Variants in EEA1 observed in about 807,000 individuals in gnomAD.
EEA1 encodes the protein early endosome antigen 1.
In EEA1, 111 loss-of-function variants were observed where a neutral mutation model predicts 209.2. The observed-to-expected ratio is 0.53, with a 90% CI of 0.45 to 0.62. EEA1 has a LOEUF of 0.62. EEA1 is among the 20% of genes least tolerant of loss of function. EEA1 has a pLI of 0.00. For synonymous variants in EEA1, 536 were observed against 540.6 expected (o/e 0.99, Z 0.12); for missense variants, 1,343 against 1,530.8 (o/e 0.88, Z 2.05).
At chr12:92,859,412 G>A in intron 3 of EEA1, 1 of 610,032 alleles carries the variant, frequency 1.6e-6, no homozygotes. Flanking sequence ...TCTAGTCAAT[G>A]ACATGAATTT....
At chr12:92,819,239 T>G in intron 14 of EEA1, 69 bp downstream of exon 14, 1 of 1,310,658 alleles carries the variant, frequency 7.6e-7, no homozygotes, top group East Asian at 2.5e-5. Context: ...ATCATTTAAA[T>G]AAAGCACTTA....
intron 9 of EEA1, among the ~76,000 whole-genome samples, chr12:92,849,656 ATG>A (rs1336964855): frequency 6.6e-6 from 1 of 152,186 alleles, no homozygotes; most frequent in African/African-American, 2.4e-5. Context: ...TTACATGCCT[ATG>A]TGTGTTATAT....
chr12:92,860,855 G>T (rs1184830441), intron 3 of EEA1, among the ~76,000 whole-genome samples: 1 of 148,684 alleles, frequency 6.7e-6, no homozygotes, highest in East Asian at 2.0e-4. Flanking sequence ...GTTTAATGAA[G>T]ATCTAAATAA....
intron 2 of EEA1, among the ~76,000 whole-genome samples, chr12:92,874,118 G>A (rs539350359): frequency 6.6e-6 from 1 of 151,912 alleles, no homozygotes; most frequent in East Asian, 1.9e-4. Context: ...TTTGAGACCT[G>A]CCTTGGCAAC....
Position 92,828,065 on chromosome 12 carries a change from T to C in EEA1, c.1255-4A>G. 6 of 1,541,148 alleles carry C rather than the reference T, an allele frequency of 3.9e-6. No individual in the cohort carries two copies. Among genetic ancestry groups the C allele is most frequent in the African/African-American group, 1.4e-5 (1 of 70,748 alleles). On this transcript the variant is annotated splice_region_variant and splice_polypyrimidine_tract_variant and intron_variant, in intron 11 of 28. Transcript: ENST00000322349. ...TCTCCAGAAGTTTGCTATGTAACTTTAAAAAAAGAAAAAAAAATGTATGTA... is the reference window on the plus strand; with the variant it reads ...TCTCCAGAAGTTTGCTATGTAACTTCAAAAAAAGAAAAAAAAATGTATGTA...
At chr12:92,912,025 T>G (rs1312776485) in intron 1 of EEA1, among the ~76,000 whole-genome samples, 1 of 152,194 alleles carries the variant, frequency 6.6e-6, no homozygotes, top group Non-Finnish European at 1.5e-5. Context: ...GAAAAGTTCT[T>G]TACAGAAAAA....
chr12:92,779,031 A>T, intron 25 of EEA1, 84 bp downstream of exon 25: 20 of 1,188,678 alleles, frequency 1.7e-5, no homozygotes, highest in Non-Finnish European at 2.3e-5. Context: ...CATTTCAATC[A>T]GATCTTATAA....
At chr12:92,849,735 T>A (rs1395156541) in intron 9 of EEA1, among the ~76,000 whole-genome samples, 1 of 152,162 alleles carries the variant, frequency 6.6e-6, no homozygotes, top group Non-Finnish European at 1.5e-5. Flanking sequence ...TAGACATGGG[T>A]TATCTATAAT....
In EEA1 at chr12:92,858,948, T is replaced by C. The variant is rs1878008736; in HGVS notation, c.246-1463A>G. On this transcript the variant is annotated intron_variant, in intron 3 of 28. Transcript: ENST00000322349. ...GGAGGTGCCTTTGAGGAAAGGATTA[T>C]ACTAAGATCAACCGTTCAGCTGCCT... The C allele has an allele frequency of 5.7e-6, 4 of 699,166 alleles. No individual in the cohort carries two copies. The South Asian group carries it at 6.3e-5, about 11-fold the overall frequency. The allele number at this position is 699,166 out of a possible 1,614,324, so 43.3% of individuals were successfully genotyped here.
chr12:92,894,590 G>C (rs778649827), intron 1 of EEA1, among the ~76,000 whole-genome samples: 1 of 152,188 alleles, frequency 6.6e-6, no homozygotes, highest in Non-Finnish European at 1.5e-5. Context: ...AGCCATTAAC[G>C]TTCCCTTAAA....
chr12:92,799,145 G>A, intron 20 of EEA1, 59 bp from the exon 21 acceptor site: 4 of 1,364,316 alleles, frequency 2.9e-6, no homozygotes, highest in South Asian at 1.7e-5. Context: ...ACGATGTACT[G>A]AGTAACTAGA....
At chr12:92,840,971 T>C (rs1192320982) in intron 10 of EEA1, among the ~76,000 whole-genome samples, 1 of 152,174 alleles carries the variant, frequency 6.6e-6, no homozygotes, top group Non-Finnish European at 1.5e-5. Flanking sequence ...TGAGGTCTCT[T>C]GTTCTTTTCA....
rs1314595767 is a variant in EEA1, at chr12:92,771,554, A to T, written c.*4457T>A. On this transcript the variant is annotated 3_prime_UTR_variant, in exon 29 of 29. Coordinates refer to ENST00000322349, the MANE Select transcript of EEA1 (RefSeq NM_003566.4). ...TAAGAATAAATGAGGTGGAGGGGAG[A>T]AAAAGGGGAGAATAGACTTCAAGCT... The T allele has an allele frequency of 6.6e-6, 1 of 152,094 alleles. No individual in the cohort carries two copies. The highest frequency in any genetic ancestry group is 1.9e-4 in the East Asian group (1 of 5,174). 9.4% of individuals were successfully genotyped at this position (152,094 alleles called of 1,614,324 possible).
intron 2 of EEA1, among the ~76,000 whole-genome samples, chr12:92,876,158 G>A (rs747586842): frequency 7.2e-5 from 11 of 152,100 alleles, no homozygotes; most frequent in East Asian, 3.9e-4. Flanking sequence ...TTGCGGCCTC[G>A]AACTGCTGGG....
chr12:92,887,364 GA>G (rs2136750520), intron 2 of EEA1, among the ~76,000 whole-genome samples: 1 of 152,070 alleles, frequency 6.6e-6, no homozygotes, highest in Admixed American at 6.5e-5. Flanking sequence ...ATAAAACAGG[GA>G]GGGGTGCAGT....
intron 2 of EEA1, among the ~76,000 whole-genome samples, chr12:92,873,259 A>G (rs1000603622): frequency 1.3e-5 from 2 of 152,244 alleles, no homozygotes; most frequent in Admixed American, 6.5e-5. Flanking sequence ...TGCTCAACGA[A>G]TATGAATTGT....
intron 21 of EEA1, among the ~76,000 whole-genome samples, chr12:92,792,398 A>T (rs1874445762): frequency 1.3e-5 from 2 of 152,194 alleles, no homozygotes; most frequent in South Asian, 4.1e-4. Context: ...AATAAAGAAG[A>T]AAAGAGAGAA....
At chr12:92,919,956 GACAA>G (rs1188755282) in intron 1 of EEA1, among the ~76,000 whole-genome samples, 1 of 81,346 alleles carries the variant, frequency 1.2e-5, no homozygotes, top group Non-Finnish European at 2.4e-5. Flanking sequence ...ACCAACAAAA[GACAA>G]ACAGAGAGCC....
intron 3 of EEA1, among the ~76,000 whole-genome samples, chr12:92,860,910 A>AGAG (rs74735642): frequency 0.28 from 42,150 of 150,524 alleles, 6,312 homozygotes; most frequent in Non-Finnish European, 0.32. Context: ...ACAAAGAAGA[A>AGAG]GAGGAGGAGG....
Sources: gnomAD v4.1 joint callset for allele counts (sites outside exome capture counted in the v4.1 genomes callset) on GRCh38, gnomAD v4.1.1 for gene constraint, MANE v1.5 for transcripts, NCBI Gene and HGNC (gene_info 2026-07-23, HGNC 2026-07-21) for gene names.